Variants in KIAA1549L observed in about 807,000 individuals in gnomAD.
The protein encoded by KIAA1549L is KIAA1549 like.
In KIAA1549L, 88 loss-of-function variants were observed where a neutral mutation model predicts 160.7. That is an observed-to-expected ratio of 0.55 (90% CI 0.46 to 0.65). The LOEUF (loss-of-function observed/expected upper bound fraction) is 0.65, where lower values mean the gene tolerates loss of function less well. Ranked by LOEUF, KIAA1549L falls within the 30% of genes least tolerant of loss-of-function variation. KIAA1549L has a pLI of 0.00. For missense variants in KIAA1549L, 2,258 were observed against 2,437.5 expected (o/e 0.93, Z 1.55); for synonymous variants, 950 against 976.7 (o/e 0.97, Z 0.51).
Position 33,609,868 on chromosome 11 carries a change from C to T in KIAA1549L, c.5181C>T (p.Thr1727=), listed in dbSNP as rs758137813. ...CAGTGGAGACGAGCAAGGGTCTGAC[C>T]GAAAGAAAGAAGATGTATGAAAAAG... ...FPAVETSKGL[T]ERKKMYEKAP... The change falls in exon 15 of 21, where the codon ACC becomes ACT. Residue 1727 remains threonine (T), a synonymous_variant. Coordinates refer to ENST00000658780, the MANE Select transcript of KIAA1549L (RefSeq NM_012194.3). 15 of 1,613,440 alleles carry T rather than the reference C, an allele frequency of 9.3e-6. No individual in the cohort carries two copies. Among genetic ancestry groups the T allele is most frequent in the South Asian group, 2.2e-5 (2 of 91,062 alleles).
At chr11:33,592,595 G>T (rs1850090645) in intron 12 of KIAA1549L, among the ~76,000 whole-genome samples, 1 of 152,160 alleles carries the variant, frequency 6.6e-6, no homozygotes, top group Non-Finnish European at 1.5e-5. Context: ...AGGCACTGGG[G>T]ATATTGCTGT....
At chr11:33,550,661 A>G (rs1854428212) in intron 4 of KIAA1549L, among the ~76,000 whole-genome samples, 1 of 152,242 alleles carries the variant, frequency 6.6e-6, no homozygotes, top group African/African-American at 2.4e-5. Context: ...TAATTCTCAT[A>G]AATGATGAGA....
chr11:33,489,884 G>A (rs1590283242), intron 1 of KIAA1549L, among the ~76,000 whole-genome samples: 1 of 152,142 alleles, frequency 6.6e-6, no homozygotes, highest in African/African-American at 2.4e-5. Flanking sequence ...AAGATCAAAC[G>A]TTATTGATTC....
At position 33,609,772 on chromosome 11, in the gene KIAA1549L, G is replaced by T. The variant is rs1446231583; in HGVS notation, c.5085G>T (p.Lys1695Asn). The T allele has an allele frequency of 6.2e-7, 1 of 1,610,288 alleles. No individual in the cohort carries two copies. The highest frequency in any genetic ancestry group is 8.5e-7 in the Non-Finnish European group (1 of 1,178,372). The change falls in exon 15 of 21, where the codon AAG (lysine) becomes AAT (asparagine). Residue 1695 changes from lysine to asparagine, a missense_variant. Transcript: ENST00000658780. ...AGGTGAACAAAGCCCTGAAGCAGAAGTCAGACATCGAGCACTATCGGAACA... is the reference window on the plus strand; with the variant it reads ...AGGTGAACAAAGCCCTGAAGCAGAATTCAGACATCGAGCACTATCGGAACA... ...NGEVNKALKQ[K>N]SDIEHYRNKL...
At chr11:33,574,504 A>ATCCTCCCAGTCT (rs1855376560) in intron 9 of KIAA1549L, among the ~76,000 whole-genome samples, 198 bp from the exon 10 acceptor site, 1 of 152,148 alleles carries the variant, frequency 6.6e-6, no homozygotes, top group Non-Finnish European at 1.5e-5. Context: ...TATTTTTCAA[A>ATCCTCCCAGTCT]CCTTTTTTCT....
intron 15 of KIAA1549L, among the ~76,000 whole-genome samples, chr11:33,617,612 G>A (rs1289284673): frequency 6.6e-6 from 1 of 152,162 alleles, no homozygotes; most frequent in East Asian, 1.9e-4. Context: ...GTCCCCGTTT[G>A]TCACAGCTTA....
intron 1 of KIAA1549L, among the ~76,000 whole-genome samples, chr11:33,525,781 A>T (rs1411653411): frequency 6.6e-6 from 1 of 152,162 alleles, no homozygotes; most frequent in East Asian, 1.9e-4. Context: ...TTGGTGAGGC[A>T]TGGTGGGAAT....
intron 1 of KIAA1549L, among the ~76,000 whole-genome samples, chr11:33,425,852 A>C (rs1203373782): frequency 6.6e-6 from 1 of 152,190 alleles, no homozygotes; most frequent in African/African-American, 2.4e-5. Flanking sequence ...GCAAAACATC[A>C]CTTCTTTGGG....
intron 1 of KIAA1549L, among the ~76,000 whole-genome samples, chr11:33,409,964 A>G (rs1850754719): frequency 6.6e-6 from 1 of 152,152 alleles, no homozygotes; most frequent in African/African-American, 2.4e-5. Context: ...GGGGCCACAA[A>G]GAACATCTTG....
At position 33,670,371 on chromosome 11, in the gene KIAA1549L, G is replaced by A. The variant is rs1271438958; in HGVS notation, c.*2217G>A. 1 of 152,220 alleles carries A rather than the reference G, an allele frequency of 6.6e-6. No individual in the cohort carries two copies. The highest frequency in any genetic ancestry group is 2.4e-5 in the African/African-American group (1 of 41,454). The allele number at this position is 152,220 out of a possible 1,614,324, so 9.4% of individuals were successfully genotyped here. ...AGAGACTGAGTCTACAGTTTGCAGAGCTATGGCTCCAGAGTGCTAAGAGGG... is the reference window on the plus strand; with the variant it reads ...AGAGACTGAGTCTACAGTTTGCAGAACTATGGCTCCAGAGTGCTAAGAGGG... On this transcript the variant is annotated 3_prime_UTR_variant, in exon 21 of 21. Coordinates refer to ENST00000658780, the MANE Select transcript of KIAA1549L (RefSeq NM_012194.3).
At chr11:33,623,400 C>T (rs905784934) in intron 16 of KIAA1549L, among the ~76,000 whole-genome samples, 5 of 152,230 alleles carry the variant, frequency 3.3e-5, no homozygotes. Context: ...TCCATAGCCC[C>T]TCATCTTAGC....
Position 33,376,286 on chromosome 11 carries a change from C to G in KIAA1549L, c.-366C>G, listed in dbSNP as rs1362611757. Among the ~76,000 whole-genome samples the G allele has an allele frequency of 6.1e-5, 9 of 148,724 alleles. No homozygotes were observed. Among genetic ancestry groups the G allele is most frequent in the Non-Finnish European group, 9.0e-5 (6 of 66,832 alleles). ...CCGAGCGCGCCCCGCGGCCGCCACCCCCGTTCCCGGCAGCCTCGCCCCCTA... is the reference window on the plus strand; with the variant it reads ...CCGAGCGCGCCCCGCGGCCGCCACCGCCGTTCCCGGCAGCCTCGCCCCCTA... On this transcript the variant is annotated 5_prime_UTR_variant, in exon 1 of 21. Coordinates refer to ENST00000658780, the MANE Select transcript of KIAA1549L (RefSeq NM_012194.3). This position sits in a 1 kb window ranked among gnomAD's most constrained non-coding sequence, Gnocchi z 5.8.
At chr11:33,499,935 T>C (rs947253454) in intron 1 of KIAA1549L, among the ~76,000 whole-genome samples, 3 of 152,208 alleles carry the variant, frequency 2.0e-5, no homozygotes, top group Non-Finnish European at 4.4e-5. Flanking sequence ...TTCAAGGCTC[T>C]CTGGAGTTTG....
chr11:33,498,940 C>G (rs955781539), intron 1 of KIAA1549L, among the ~76,000 whole-genome samples: 3 of 152,160 alleles, frequency 2.0e-5, no homozygotes, highest in Non-Finnish European at 4.4e-5. Flanking sequence ...AACTGAATCT[C>G]CACCCTGATG....
chr11:33,555,897 CA>C (rs1355750909), intron 6 of KIAA1549L, among the ~76,000 whole-genome samples: 3 of 152,022 alleles, frequency 2.0e-5, no homozygotes, highest in Non-Finnish European at 4.4e-5. Flanking sequence ...AAAATATTTG[CA>C]AATCATATAT....
At chr11:33,536,149 G>A (rs1432156053) in intron 1 of KIAA1549L, among the ~76,000 whole-genome samples, 3 of 152,142 alleles carry the variant, frequency 2.0e-5, no homozygotes, top group Non-Finnish European at 4.4e-5. Context: ...TGAGGGACAC[G>A]ACCACACATA....
intron 3 of KIAA1549L, among the ~76,000 whole-genome samples, chr11:33,546,326 ACT>A (rs1854260024): frequency 6.6e-6 from 1 of 151,854 alleles, no homozygotes; most frequent in Non-Finnish European, 1.5e-5. Flanking sequence ...CTGGGTTTCC[ACT>A]CTCTGTCCCT....
chr11:33,610,101 C>A, intron 15 of KIAA1549L, 135 bp downstream of exon 15: 1 of 660,742 alleles, frequency 1.5e-6, no homozygotes, highest in Non-Finnish European at 2.7e-6. Context: ...TTGTACCACG[C>A]TGGTCTGTGC....
At position 33,543,292 on chromosome 11, in the gene KIAA1549L, G is replaced by A. The variant is rs1854099110; in HGVS notation, c.1729G>A (p.Val577Met). The A allele has an allele frequency of 1.9e-6, 3 of 1,613,916 alleles. No individual in the cohort carries two copies. Among genetic ancestry groups the A allele is most frequent in the African/African-American group, 2.7e-5 (2 of 74,946 alleles). ...AILGKNEEAN[V>M]TIPLQAFPRK... ...TTTAGGGAAGAATGAAGAGGCAAAT[G>A]TGACGATTCCTCTCCAGGCCTTTCC... The change falls in exon 2 of 21, where the codon GTG becomes ATG. Residue 577 changes from valine to methionine, a missense_variant. By Grantham distance (21) the Val-to-Met change is conservative (BLOSUM62 1). Around this residue, in one of 6 missense-constraint regions of KIAA1549L, gnomAD observed 540 missense variants for 465.7 expected, o/e 1.16. Transcript: ENST00000658780.
Sources: allele counts gnomAD v4.1 joint callset (sites outside exome capture counted in the v4.1 genomes callset), GRCh38; gene constraint gnomAD v4.1.1; regional missense constraint gnomAD v4.1.1; non-coding constraint Gnocchi (gnomAD v3.1); transcripts MANE v1.5; gene names NCBI Gene and HGNC (gene_info 2026-07-23, HGNC 2026-07-21).